Variants in DNAH8 observed in about 807,000 individuals in gnomAD.
DNAH8 encodes dynein axonemal heavy chain 8, also known as axonemal beta dynein heavy chain 8.
DNAH8 carries 382 observed loss-of-function variants against 562.1 expected under a neutral mutation model. The ratio of observed to expected loss-of-function variants is 0.68; its 90% CI spans 0.63 to 0.74. The LOEUF (loss-of-function observed/expected upper bound fraction) is 0.74. Among genes scored for constraint, DNAH8 ranks in the 30% least tolerant of loss-of-function variants. The pLI is 0.00. For missense variants in DNAH8, 5,203 were observed against 5,620.4 expected, an observed-to-expected ratio of 0.93 and a Z score of 2.37; for synonymous variants, 1,881 against 1,919.4, an observed-to-expected ratio of 0.98 and a Z score of 0.52.
chr6:39,015,740 A>G (rs1168106634), intron 91 of DNAH8, among the ~76,000 whole-genome samples: 1 of 152,120 alleles, frequency 6.6e-6, no homozygotes, highest in African/African-American at 2.4e-5. Flanking sequence ...TTAATGCCTT[A>G]CTTTCCTTCA....
chr6:38,987,327 T>C (rs1399468474), intron 87 of DNAH8, among the ~76,000 whole-genome samples: 2 of 152,186 alleles, frequency 1.3e-5, no homozygotes, highest in South Asian at 2.1e-4. Flanking sequence ...TTCTTCCCTG[T>C]ACCCTGACAT....
intron 92 of DNAH8, among the ~76,000 whole-genome samples, chr6:39,029,151 C>T (rs1343175379): frequency 1.3e-5 from 2 of 152,200 alleles, no homozygotes; most frequent in Non-Finnish European, 2.9e-5. Context: ...CAGATCCTTC[C>T]ACAGTCAACC....
rs151051760 is a variant in DNAH8, at chr6:38,875,684, A to C, written c.7714A>C (p.Met2572Leu). 61 of 1,613,740 alleles carry C rather than the reference A, an allele frequency of 3.8e-5. No homozygotes were observed. The African/African-American group carries it at 6.9e-4, about 18-fold the overall frequency. Reference protein sequence around the residue: ...HLHKLFVFGLMWSLGALLELE... With the variant: ...HLHKLFVFGLLWSLGALLELE... ...TCATAAATTATTTGTGTTTGGCCTA[A>C]TGTGGAGTTTAGGAGCCCTTCTGGA... The change falls in exon 53 of 93, where the codon ATG becomes CTG. Residue 2572 changes from methionine to leucine, a missense_variant. Around this residue, in one of 6 missense-constraint regions of DNAH8, gnomAD observed 977 missense variants for 1,061.8 expected, o/e 0.92. Coordinates refer to ENST00000327475, the MANE Select transcript of DNAH8 (RefSeq NM_001206927.2).
chr6:38,807,559 C>T (rs745354827), intron 23 of DNAH8, 51 bp from the exon 24 acceptor site: 6 of 979,054 alleles, frequency 6.1e-6, no homozygotes, highest in Non-Finnish European at 5.8e-6. Context: ...TGGGGATGCT[C>T]TAGGTTTTTT....
chr6:38,989,873 G>A lies in DNAH8; in HGVS notation c.13054-139G>A, dbSNP rs367732996. 49 of 576,628 alleles carry A rather than the reference G, an allele frequency of 8.5e-5. No individual in the cohort carries two copies. In the South Asian group the frequency reaches 1.1e-3, roughly 13 times the overall value. The allele number at this position is 576,628 out of a possible 1,614,324, so 35.7% of individuals were successfully genotyped here. On this transcript the variant is annotated intron_variant, in intron 87 of 92. Coordinates refer to ENST00000327475, the MANE Select transcript of DNAH8 (RefSeq NM_001206927.2). Reference sequence around the variant, plus strand: ...CATATATGTGGTAATTATTCTATCAGTAGTATTGTTAAAGCATTCTCAAAA... The same window carrying A: ...CATATATGTGGTAATTATTCTATCAATAGTATTGTTAAAGCATTCTCAAAA...
Position 38,911,548 on chromosome 6 carries a change from T to G in DNAH8, c.9821T>G (p.Val3274Gly), listed in dbSNP as rs750095031. The G allele has an allele frequency of 6.2e-7, 1 of 1,612,862 alleles. No homozygotes were observed. The highest frequency in any genetic ancestry group is 1.1e-5 in the South Asian group (1 of 91,058). Reference sequence around the variant, plus strand: ...TATAAAAACATTTATGCTGAAAAGGTGAAGTTCATTAATGAACAGGCTGAA... The same window carrying G: ...TATAAAAACATTTATGCTGAAAAGGGGAAGTTCATTAATGAACAGGCTGAA... ...NGYKNIYAEK[V>G]KFINEQAERM... Residue 3274 changes from valine to glycine, a missense_variant, in exon 66 of 93, where the codon GTG becomes GGG. By Grantham distance (109) the Val-to-Gly change is moderately radical (BLOSUM62 -3). Around this residue, in one of 6 missense-constraint regions of DNAH8, gnomAD observed 977 missense variants for 1,061.8 expected, o/e 0.92. Transcript: ENST00000327475.
chr6:38,715,952 A>ATTTTT (rs1562521236), intron 1 of DNAH8, among the ~76,000 whole-genome samples: 7 of 25,702 alleles, frequency 2.7e-4, no homozygotes, highest in East Asian at 7.0e-4. Context: ...ATATATATAT[A>ATTTTT]TATATATATT....
intron 66 of DNAH8, among the ~76,000 whole-genome samples, chr6:38,913,311 C>T (rs1314594310): frequency 6.6e-6 from 1 of 152,164 alleles, no homozygotes; most frequent in Non-Finnish European, 1.5e-5. Context: ...TACCAACATC[C>T]CACTACCTAG....
intron 21 of DNAH8, among the ~76,000 whole-genome samples, chr6:38,794,686 G>C (rs1172884745): frequency 6.6e-6 from 1 of 152,090 alleles, no homozygotes; most frequent in African/African-American, 2.4e-5. Context: ...GACTTCTTTT[G>C]CTCAGTGTTA....
intron 59 of DNAH8, among the ~76,000 whole-genome samples, chr6:38,895,363 G>A (rs1021035467): frequency 2.6e-5 from 4 of 152,112 alleles, no homozygotes; most frequent in African/African-American, 7.2e-5. Context: ...ATGCTCTGCC[G>A]ATTTATTCCA....
intron 82 of DNAH8, among the ~76,000 whole-genome samples, chr6:38,960,675 T>A (rs1047088267): frequency 2.0e-5 from 3 of 151,920 alleles, no homozygotes; most frequent in Non-Finnish European, 4.4e-5. Flanking sequence ...TTGGTAGAAA[T>A]GTAAATTAGT....
chr6:38,802,934 G>A (rs993240700), intron 21 of DNAH8, among the ~76,000 whole-genome samples: 46 of 152,172 alleles, frequency 3.0e-4, no homozygotes, highest in African/African-American at 1.0e-3. Context: ...ATTTCTATGT[G>A]TGATTGAGTC....
intron 9 of DNAH8, among the ~76,000 whole-genome samples, chr6:38,751,235 C>T (rs1160834939): frequency 2.0e-5 from 3 of 152,182 alleles, no homozygotes; most frequent in Non-Finnish European, 4.4e-5. Flanking sequence ...CCACGTGGGC[C>T]TCTCCACCTG....
intron 70 of DNAH8, among the ~76,000 whole-genome samples, chr6:38,920,839 C>G (rs1327372554): frequency 1.3e-5 from 2 of 152,004 alleles, no homozygotes; most frequent in African/African-American, 2.4e-5. Flanking sequence ...TAACTTTTGT[C>G]CTCCTTTCTA....
rs1157302965 is a variant in DNAH8, at chr6:38,853,268, A to G, written c.5654A>G (p.Asn1885Ser). The change falls in exon 41 of 93, where the codon AAT (asparagine) becomes AGT (serine). Residue 1885 changes from asparagine (N) to serine (S), a missense_variant. Around this residue, in one of 6 missense-constraint regions of DNAH8, gnomAD observed 2,176 missense variants for 2,365.1 expected, o/e 0.92. Coordinates refer to ENST00000327475, the MANE Select transcript of DNAH8 (RefSeq NM_001206927.2). ...AAAATGCAGATGTCATCATTACATA[A>G]TATAATTAGATCCGCTTTCTATCAA... Reference protein sequence around the residue: ...LLKMQMSSLHNIIRSAFYQIS... With the variant: ...LLKMQMSSLHSIIRSAFYQIS... 6.2e-7 allele frequency: 1 copy of G among 1,613,270 alleles called. No homozygotes were observed. The highest frequency in any genetic ancestry group is 8.5e-7 in the Non-Finnish European group (1 of 1,179,688).
intron 54 of DNAH8, 90 bp from the exon 55 acceptor site, chr6:38,883,232 A>G (rs1778645917): frequency 7.0e-7 from 1 of 1,422,940 alleles, no homozygotes; most frequent in African/African-American, 1.4e-5. Context: ...TAGTTGTATT[A>G]ATTTATAGAA....
rs1424312828 is a variant in DNAH8, at chr6:38,990,085, C to A, written c.13127C>A (p.Thr4376Asn). ...GGATATAAAATCCCCTTATGCAAAA[C>A]CTTAGACCAGTATTTTGAATACATC... is the stretch of plus-strand genomic sequence containing the variant. ...YTGYKIPLCKTLDQYFEYIQS... is the reference protein window; with the variant it reads ...YTGYKIPLCKNLDQYFEYIQS... Residue 4376 changes from threonine (T) to asparagine (N), a missense_variant, in exon 88 of 93, where the codon ACC becomes AAC. Around this residue, in one of 6 missense-constraint regions of DNAH8, gnomAD observed 1,399 missense variants for 1,518.4 expected, o/e 0.92. Transcript: ENST00000327475. 1.9e-6 allele frequency: 3 copies of A among 1,598,038 alleles called. No individual in the cohort carries two copies. The highest frequency in any genetic ancestry group is 1.3e-5 in the African/African-American group (1 of 74,604).
chr6:38,906,110 T>C (rs1019562147), intron 62 of DNAH8, 144 bp from the exon 63 acceptor site: 3 of 397,610 alleles, frequency 7.5e-6, no homozygotes, highest in African/African-American at 4.1e-5. Flanking sequence ...GGTTTCACCA[T>C]GTTGGTCAGG....
At chr6:39,004,851 C>G (rs1051070196) in intron 88 of DNAH8, among the ~76,000 whole-genome samples, 1 of 152,160 alleles carries the variant, frequency 6.6e-6, no homozygotes, top group Non-Finnish European at 1.5e-5. Context: ...CATGTTGTAG[C>G]GTATATTAAT....
Sources: allele counts gnomAD v4.1 joint callset (sites outside exome capture counted in the v4.1 genomes callset), GRCh38; gene constraint gnomAD v4.1.1; regional missense constraint gnomAD v4.1.1; transcripts MANE v1.5; gene names NCBI Gene and HGNC (gene_info 2026-07-23, HGNC 2026-07-21).